DOCK3: variants seen among roughly 807,000 people sequenced by gnomAD.
The protein encoded by DOCK3 is dedicator of cytokinesis protein 3.
Under a neutral mutation model 265.6 loss-of-function variants are expected in DOCK3, and 60 were observed. That is an observed-to-expected ratio of 0.23 (90% CI 0.18 to 0.28). The LOEUF is 0.28. Among genes scored for constraint, DOCK3 ranks in the 10% least tolerant of loss-of-function variants. The pLI, the probability that DOCK3 is intolerant of heterozygous loss-of-function variation, is 1.00. For missense variants in DOCK3, 1,981 were observed against 2,594.3 expected, an observed-to-expected ratio of 0.76 and a Z score of 5.14; for synonymous variants, 881 against 938.0, an observed-to-expected ratio of 0.94 and a Z score of 1.11.
At chr3:50,762,831 T>G (rs2040616778) in intron 1 of DOCK3, among the ~76,000 whole-genome samples, 1 of 152,186 alleles carries the variant, frequency 6.6e-6, no homozygotes, top group African/African-American at 2.4e-5. Context: ...TTTTTTTCCT[T>G]GTGATATGTT....
intron 9 of DOCK3, among the ~76,000 whole-genome samples, chr3:51,100,164 C>T (rs897246089): frequency 3.3e-5 from 5 of 152,190 alleles, no homozygotes; most frequent in African/African-American, 1.2e-4. Context: ...GTGGAGTAAG[C>T]CCCTGACAGT....
intron 10 of DOCK3, among the ~76,000 whole-genome samples, chr3:51,152,909 G>C (rs2085675543): frequency 6.6e-6 from 1 of 152,210 alleles, no homozygotes; most frequent in African/African-American, 2.4e-5. Flanking sequence ...TGAGGTGGTA[G>C]TCAGCCCCTA....
At chr3:51,140,500 T>C (rs2085002889) in intron 9 of DOCK3, among the ~76,000 whole-genome samples, 1 of 152,208 alleles carries the variant, frequency 6.6e-6, no homozygotes, top group South Asian at 2.1e-4. Flanking sequence ...ATTTATCCAC[T>C]TGTCAGTGGA....
intron 24 of DOCK3, among the ~76,000 whole-genome samples, chr3:51,271,333 G>C (rs1576610612): frequency 6.6e-6 from 1 of 152,166 alleles, no homozygotes; most frequent in Non-Finnish European, 1.5e-5. Context: ...AGTTCTGGAG[G>C]TTAGGAAGTC....
chr3:50,801,927 C>G (rs963540456), intron 2 of DOCK3, among the ~76,000 whole-genome samples: 1 of 152,146 alleles, frequency 6.6e-6, no homozygotes, highest in Non-Finnish European at 1.5e-5. Context: ...CTCTTGCTAA[C>G]TTGATTGCTT....
At chr3:51,320,217 G>T (rs890116546) in intron 32 of DOCK3, among the ~76,000 whole-genome samples, 60 of 152,118 alleles carry the variant, frequency 3.9e-4, no homozygotes, top group Non-Finnish European at 7.5e-4. Flanking sequence ...AGCACAAGGG[G>T]TCGGGGAATT....
In DOCK3 at chr3:51,382,472, G is replaced by C. The variant is rs912353884; in HGVS notation, c.*913G>C. On this transcript the variant is annotated 3_prime_UTR_variant, in exon 53 of 53. Transcript: ENST00000266037. ...GGTGTAAGAGTGTGGGGTGTGGCAG[G>C]CGCCGGAAATCCTCAAAGCTTTCAG... The C allele has an allele frequency of 6.6e-6, 1 of 152,620 alleles. No homozygotes were observed. The highest frequency in any genetic ancestry group is 1.5e-5 in the Non-Finnish European group (1 of 68,088). The allele number at this position is 152,620 out of a possible 1,614,324, so 9.5% of individuals were successfully genotyped here. A position where few individuals can be genotyped will look rare whatever the true frequency, so the allele number is the denominator to read the frequency against.
intron 32 of DOCK3, among the ~76,000 whole-genome samples, chr3:51,321,955 T>A (rs1427447902): frequency 6.6e-6 from 1 of 152,126 alleles, no homozygotes; most frequent in African/African-American, 2.4e-5. Context: ...CAGGCCAACA[T>A]TCAAATTCAG....
At chr3:51,024,323 T>C (rs1366415861) in intron 5 of DOCK3, among the ~76,000 whole-genome samples, 1 of 152,204 alleles carries the variant, frequency 6.6e-6, no homozygotes, top group Admixed American at 6.5e-5. Context: ...TTCAATTTTT[T>C]CCCCAGTATT....
chr3:50,896,412 A>G (rs960687764), intron 4 of DOCK3, among the ~76,000 whole-genome samples: 3 of 152,272 alleles, frequency 2.0e-5, no homozygotes, highest in Non-Finnish European at 4.4e-5. Flanking sequence ...AGAGATTGCA[A>G]ACATTTTCTC....
chr3:50,852,082 A>T (rs1018373428), intron 3 of DOCK3, among the ~76,000 whole-genome samples: 1 of 152,216 alleles, frequency 6.6e-6, no homozygotes, highest in Non-Finnish European at 1.5e-5. Flanking sequence ...TAAGTTACAG[A>T]GGGAGATTTC....
rs139190986 is a variant in DOCK3, at chr3:51,004,399, C to T, written c.316-60049C>T. Among the ~76,000 whole-genome samples, 5 of 152,260 alleles carry T rather than the reference C, an allele frequency of 3.3e-5. No individual in the cohort carries two copies. The East Asian group carries it at 9.6e-4, about 29-fold the overall frequency. On this transcript the variant is annotated intron_variant, in intron 5 of 52. Coordinates refer to ENST00000266037, the MANE Select transcript of DOCK3 (RefSeq NM_004947.5). ...ATCCTAAGCCAGACTAATTAAGCCA[C>T]TTCCAGATTCCTGATCCATAAAAAC...
rs147791295 is a variant in DOCK3 at position 51,241,439 on chromosome 3, C to T, written c.2102+3849C>T. ...TGTGAAGTATTTTACTGGGGTTCTC[C>T]GCATTTCCTGAATTTGAATGTTGCC... On this transcript the variant is annotated intron_variant, in intron 21 of 52. Coordinates refer to ENST00000266037, the MANE Select transcript of DOCK3 (RefSeq NM_004947.5). 7.4e-4 allele frequency among the ~76,000 whole-genome samples: 113 copies of T among 152,176 alleles called. 6 individuals carry two copies. The East Asian group carries it at 0.012, about 16-fold the overall frequency.
chr3:50,920,740 C>G (rs950574773), intron 4 of DOCK3, among the ~76,000 whole-genome samples: 7 of 152,124 alleles, frequency 4.6e-5, no homozygotes, highest in Non-Finnish European at 1.0e-4. Flanking sequence ...TTTTGTGTGT[C>G]TATCTCCTTC....
intron 4 of DOCK3, among the ~76,000 whole-genome samples, chr3:50,931,373 C>G (rs994081004): frequency 2.0e-5 from 3 of 152,120 alleles, no homozygotes; most frequent in African/African-American, 7.2e-5. Context: ...ACACATTTAG[C>G]ACCTATTTGT....
intron 4 of DOCK3, among the ~76,000 whole-genome samples, chr3:50,909,537 T>C (rs1488620381): frequency 2.0e-5 from 3 of 152,020 alleles, no homozygotes; most frequent in Non-Finnish European, 4.4e-5. Flanking sequence ...AATATTGGCT[T>C]CCAATCTCTT....
intron 3 of DOCK3, among the ~76,000 whole-genome samples, chr3:50,854,592 G>GCTTTTTTTTTTTTTTT (rs2046495696): frequency 2.1e-5 from 1 of 47,220 alleles, no homozygotes; most frequent in African/African-American, 8.5e-5. Context: ...CATCACACCA[G>GCTTTTTTTTTTTTTTT]TTTTTTTTTT....
intron 12 of DOCK3, among the ~76,000 whole-genome samples, chr3:51,194,894 G>A (rs1484888327): frequency 2.0e-5 from 3 of 146,982 alleles, no homozygotes; most frequent in Non-Finnish European, 3.0e-5. Context: ...ATGCGATATC[G>A]GTTCACTGCA....
chr3:51,080,143 C>T (rs909595287), intron 7 of DOCK3, among the ~76,000 whole-genome samples: 18 of 152,034 alleles, frequency 1.2e-4, no homozygotes, highest in African/African-American at 4.1e-4. Context: ...TAACACAATC[C>T]CCAACCTATA....
Sources: gnomAD v4.1 joint callset for allele counts (sites outside exome capture counted in the v4.1 genomes callset) on GRCh38, gnomAD v4.1.1 for gene constraint, MANE v1.5 for transcripts, NCBI Gene and HGNC (gene_info 2026-07-23, HGNC 2026-07-21) for gene names.